The following ZNF737 variants were observed in gnomAD, a reference collection of about 807,000 sequenced individuals.
The protein encoded by ZNF737 is zinc finger protein 737.
In ZNF737, 13 loss-of-function variants were observed where a neutral mutation model predicts 11.7. The ratio of observed to expected loss-of-function variants is 1.11; its 90% CI spans 0.73 to 1.77. The LOEUF is 1.77. Ranked by LOEUF, ZNF737 falls within the 40% of genes most tolerant of loss-of-function variation. The pLI, the probability that ZNF737 is intolerant of heterozygous loss-of-function variation, is 0.00. For missense variants in ZNF737, 636 were observed against 638.0 expected (o/e 1.00, Z 0.03); for synonymous variants, 217 against 216.2 (o/e 1.00, Z -0.03).
intron 1 of ZNF737, 23 bp from the exon 2 acceptor site, chr19:20,553,858 GT>G: frequency 6.2e-7 from 1 of 1,600,932 alleles, no homozygotes; most frequent in Non-Finnish European, 8.5e-7. Context: ...CACAACATAC[GT>G]TTTTACCAAG....
chr19:20,542,016 G>A lies in ZNF737; in HGVS notation c.*2576C>T. ...TAAAGAGTCAAAATTTAATCTATGG[G>A]AACAATATTTAACTCATTTGCAGTT... On this transcript the variant is annotated 3_prime_UTR_variant, in exon 4 of 4. Coordinates refer to ENST00000427401, the MANE Select transcript of ZNF737 (RefSeq NM_001159293.2). 1 of 983,866 alleles carries A rather than the reference G, an allele frequency of 1.0e-6. No individual in the cohort carries two copies. Among genetic ancestry groups the A allele is most frequent in the South Asian group, 4.7e-5 (1 of 21,210 alleles). 60.9% of individuals were successfully genotyped at this position (983,866 alleles called of 1,614,324 possible). A position where few individuals can be genotyped will look rare whatever the true frequency, so the allele number is the denominator to read the frequency against.
Position 20,542,808 on chromosome 19 carries a change from C to T in ZNF737, c.*1784G>A. 3.0e-6 allele frequency: 3 copies of T among 985,270 alleles called. No homozygotes were observed. Among genetic ancestry groups the T allele is most frequent in the Non-Finnish European group, 3.6e-6 (3 of 829,866 alleles). The allele number at this position is 985,270 out of a possible 1,614,324, so 61.0% of individuals were successfully genotyped here. On this transcript the variant is annotated 3_prime_UTR_variant, in exon 4 of 4. Transcript: ENST00000427401. The stretch of plus-strand genomic sequence containing the variant: ...GTAAAAAAATCGAATATCTCTGATG[C>T]AGAAGCCACTGATCACATGCTTTCT...
At chr19:20,546,709 A>G (rs568212394) in intron 3 of ZNF737, among the ~76,000 whole-genome samples, 1 of 152,274 alleles carries the variant, frequency 6.6e-6, no homozygotes, top group Non-Finnish European at 1.5e-5. Flanking sequence ...GTGAGATCCT[A>G]ATACTACAAA....
Position 20,542,437 on chromosome 19 carries a change from G to C in ZNF737, c.*2155C>G. ...AGTAGAGACTGGGTTTCTCCATGTT[G>C]GTCAGGCTGGTCTCGAACTCCTGAC... On this transcript the variant is annotated 3_prime_UTR_variant, in exon 4 of 4. Transcript: ENST00000427401. 7 of 475,944 alleles carry C rather than the reference G, an allele frequency of 1.5e-5. No individual in the cohort carries two copies. The highest frequency in any genetic ancestry group is 1.9e-5 in the Non-Finnish European group (7 of 364,700). 29.5% of individuals were successfully genotyped at this position (475,944 alleles called of 1,614,324 possible). A position where few individuals can be genotyped will look rare whatever the true frequency, so the allele number is the denominator to read the frequency against.
At chr19:20,537,032 G>A (rs887318970), downstream of ZNF737, among the ~76,000 whole-genome samples, 30 of 152,064 alleles carry the variant, frequency 2.0e-4, no homozygotes, top group Non-Finnish European at 3.7e-4. Flanking sequence ...AAACCCGAAA[G>A]CCAGAGGTTG....
At chr19:20,555,284 G>C (rs1305435571) in intron 1 of ZNF737, among the ~76,000 whole-genome samples, 3 of 151,976 alleles carry the variant, frequency 2.0e-5, no homozygotes, top group African/African-American at 7.3e-5. Flanking sequence ...CCAGGTTCAA[G>C]CTATTCTGCT....
intron 1 of ZNF737, chr19:20,564,089 C>T (rs1477218643): frequency 8.6e-5 from 13 of 151,816 alleles, no homozygotes; most frequent in Admixed American, 8.5e-4. Context: ...TTGCTTGAAC[C>T]CAGGAGGTGG....
At chr19:20,555,596 T>C (rs564889633) in intron 1 of ZNF737, among the ~76,000 whole-genome samples, 3 of 152,252 alleles carry the variant, frequency 2.0e-5, no homozygotes, top group Admixed American at 6.5e-5. Flanking sequence ...CAATAGAACA[T>C]GAGAAGTTAT....
intron 1 of ZNF737, among the ~76,000 whole-genome samples, chr19:20,554,466 G>A (rs1436976208): frequency 1.3e-5 from 2 of 152,160 alleles, no homozygotes; most frequent in Non-Finnish European, 2.9e-5. Flanking sequence ...TAAATGTGGT[G>A]GTTTATTCAC....
chr19:20,535,911 A>T, downstream of ZNF737: 1 of 220,914 alleles, frequency 4.5e-6, no homozygotes, highest in Non-Finnish European at 7.6e-6. Context: ...TAAAACAAAC[A>T]AAAAATCCCC....
rs1968309773 is a variant in ZNF737, at chr19:20,543,651, A to G, written c.*941T>C. The G allele has an allele frequency of 2.0e-6, 2 of 985,338 alleles. No homozygotes were observed. Among genetic ancestry groups the G allele is most frequent in the South Asian group, 9.4e-5 (2 of 21,316 alleles). 61.0% of individuals were successfully genotyped at this position (985,338 alleles called of 1,614,324 possible). ...GAGTTTTGCCAGTATGAATTATCCA[A>G]CCTACAATCAAGAGTGGCAACCATA... is the stretch of plus-strand genomic sequence containing the variant. On this transcript the variant is annotated 3_prime_UTR_variant, in exon 4 of 4. Coordinates refer to ENST00000427401, the MANE Select transcript of ZNF737 (RefSeq NM_001159293.2).
downstream of ZNF737, among the ~76,000 whole-genome samples, chr19:20,534,166 G>C (rs1247948918): frequency 1.3e-5 from 2 of 150,112 alleles, no homozygotes; most frequent in African/African-American, 4.9e-5. Context: ...CACTGAGCTG[G>C]GCCGGTGGCT....
intron 2 of ZNF737, among the ~76,000 whole-genome samples, 182 bp from the exon 3 acceptor site, chr19:20,552,752 G>A (rs886877373): frequency 5.3e-5 from 8 of 151,724 alleles, no homozygotes; most frequent in East Asian, 1.9e-4. Flanking sequence ...AGTTACTCAC[G>A]CCTGTAATCC....
Position 20,544,424 on chromosome 19 carries a change from T to C in ZNF737, c.*168A>G. The C allele has an allele frequency of 6.9e-7, 1 of 1,452,380 alleles. No individual in the cohort carries two copies. Among genetic ancestry groups the C allele is most frequent in the Non-Finnish European group, 9.0e-7 (1 of 1,109,766 alleles). 90.0% of individuals were successfully genotyped at this position (1,452,380 alleles called of 1,614,324 possible). A position where few individuals can be genotyped will look rare whatever the true frequency, so the allele number is the denominator to read the frequency against. ...TAAAGGCTTTGCTGCATTTTCTTAT[T>C]TGTTGGGTTTCTTTCCCGCATGAAT... On this transcript the variant is annotated 3_prime_UTR_variant, in exon 4 of 4. Coordinates refer to ENST00000427401, the MANE Select transcript of ZNF737 (RefSeq NM_001159293.2).
chr19:20,540,489 G>C lies in ZNF737; in HGVS notation c.*4103C>G, dbSNP rs991529750. Among the ~76,000 whole-genome samples, 1 of 152,050 alleles carries C rather than the reference G, an allele frequency of 6.6e-6. No homozygotes were observed. Among genetic ancestry groups the C allele is most frequent in the Non-Finnish European group, 1.5e-5 (1 of 68,008 alleles). ...TTTAAAATCATCTTTTGCTGGGCAC[G>C]GTGGCTCATGATTCTAATACCAGCA... On this transcript the variant is annotated 3_prime_UTR_variant, in exon 4 of 4. Coordinates refer to ENST00000427401, the MANE Select transcript of ZNF737 (RefSeq NM_001159293.2).
chr19:20,546,716 C>T (rs1279678508), intron 3 of ZNF737, among the ~76,000 whole-genome samples: 1 of 152,128 alleles, frequency 6.6e-6, no homozygotes, highest in African/African-American at 2.4e-5. Context: ...CCTAATACTA[C>T]AAACAAGCAA....
chr19:20,530,360 C>T, the ZNF737 span, among the ~76,000 whole-genome samples: 33 of 144,270 alleles, frequency 2.3e-4, 2 homozygotes, highest in African/African-American at 1.8e-4. Context: ...GGGCGGGGGG[C>T]TGACCCCCCA....
At chr19:20,547,186 C>A (rs1968484169) in intron 3 of ZNF737, among the ~76,000 whole-genome samples, 1 of 151,828 alleles carries the variant, frequency 6.6e-6, no homozygotes, top group Admixed American at 6.6e-5. Flanking sequence ...TTGAGACCAT[C>A]CTGGCTAATA....
intron 1 of ZNF737, among the ~76,000 whole-genome samples, 196 bp from the exon 2 acceptor site, chr19:20,554,031 AC>A (rs1968793999): frequency 6.6e-6 from 1 of 152,244 alleles, no homozygotes; most frequent in Non-Finnish European, 1.5e-5. Flanking sequence ...CATAAGATCC[AC>A]AACATCAGTT....
Sources: gnomAD v4.1 joint callset for allele counts (sites outside exome capture counted in the v4.1 genomes callset) on GRCh38, gnomAD v4.1.1 for gene constraint, MANE v1.5 for transcripts, NCBI Gene and HGNC (gene_info 2026-07-23, HGNC 2026-07-21) for gene names.